MEI4: variants seen among roughly 807,000 people sequenced by gnomAD.
MEI4 encodes the protein meiosis-specific protein MEI4.
MEI4 carries 27 observed loss-of-function variants against 31.4 expected under a neutral mutation model. That is an observed-to-expected ratio of 0.86 (90% CI 0.63 to 1.19). The LOEUF (loss-of-function observed/expected upper bound fraction) is 1.19, where lower values mean the gene tolerates loss of function less well. Among genes scored for constraint, MEI4 ranks in the 50% most tolerant of loss-of-function variants. The pLI is 0.00. For missense variants in MEI4, 329 were observed against 398.9 expected (o/e 0.82, Z 1.49); for synonymous variants, 122 against 145.4 (o/e 0.84, Z 1.16).
intron 4 of MEI4, among the ~76,000 whole-genome samples, chr6:77,843,012 A>G (rs1770400786): frequency 6.6e-6 from 1 of 151,858 alleles, no homozygotes; most frequent in Non-Finnish European, 1.5e-5. Flanking sequence ...AAATATTACC[A>G]TTTATATATA....
chr6:77,744,979 T>C (rs1248630121), intron 2 of MEI4, among the ~76,000 whole-genome samples: 1 of 151,990 alleles, frequency 6.6e-6, no homozygotes, highest in East Asian at 1.9e-4. Flanking sequence ...GCACTAAACA[T>C]GGAAAGGAAC....
At chr6:77,683,220 C>CT (rs926721788) in intron 1 of MEI4, among the ~76,000 whole-genome samples, 1 of 151,830 alleles carries the variant, frequency 6.6e-6, no homozygotes, top group Non-Finnish European at 1.5e-5. Flanking sequence ...CTTCATTTTG[C>CT]TTTTTTTAAT....
intron 4 of MEI4, among the ~76,000 whole-genome samples, chr6:77,883,717 G>GATTTATATAT (rs1771542712): frequency 2.3e-5 from 1 of 43,338 alleles, no homozygotes; most frequent in Non-Finnish European, 3.8e-5. Context: ...TATTATGTAA[G>GATTTATATAT]ATATATATAT....
At chr6:77,898,988 G>T (rs1470501469) in intron 4 of MEI4, among the ~76,000 whole-genome samples, 1 of 152,014 alleles carries the variant, frequency 6.6e-6, no homozygotes, top group African/African-American at 2.4e-5. Flanking sequence ...ACCATCCTTT[G>T]TGAGTATACT....
chr6:77,835,977 A>G (rs1170166544), intron 4 of MEI4, among the ~76,000 whole-genome samples: 1 of 152,162 alleles, frequency 6.6e-6, no homozygotes, highest in Admixed American at 6.5e-5. Context: ...TTTACAAAAT[A>G]TAAATACAAA....
intron 4 of MEI4, among the ~76,000 whole-genome samples, chr6:77,905,239 TC>T (rs1766267762): frequency 6.6e-6 from 1 of 152,070 alleles, no homozygotes; most frequent in Non-Finnish European, 1.5e-5. Flanking sequence ...GTATACATCA[TC>T]TCTCTCTTCT....
chr6:77,736,925 A>C (rs115342461), intron 2 of MEI4, among the ~76,000 whole-genome samples: 1 of 151,142 alleles, frequency 6.6e-6, no homozygotes, highest in Non-Finnish European at 1.5e-5. Context: ...AGCTATGGGT[A>C]CTAGGCTATT....
rs560765927 is a variant in MEI4, at chr6:77,669,218, CATGT to C, written c.-15+16127_-15+16130del. 2.5e-4 allele frequency among the ~76,000 whole-genome samples: 38 copies of C among 151,996 alleles called. 1 individual carries two copies. In the South Asian group the frequency reaches 7.7e-3, roughly 31 times the overall value. On this transcript the variant is annotated intron_variant, in intron 1 of 4. Coordinates refer to ENST00000684080, the MANE Select transcript of MEI4 (RefSeq NM_001322247.2). ...AGCACCCTTATTTTGAAAGAGGAAG[CATGT>C]GTGTGTGTGTGTGCGTACATACACA...
At chr6:77,778,505 A>G (rs966302279) in intron 3 of MEI4, among the ~76,000 whole-genome samples, 3 of 152,002 alleles carry the variant, frequency 2.0e-5, no homozygotes, top group Non-Finnish European at 2.9e-5. Flanking sequence ...ATTGAAGACC[A>G]GTCTGGACAA....
intron 4 of MEI4, among the ~76,000 whole-genome samples, chr6:77,843,075 C>T: frequency 8.1e-6 from 1 of 123,870 alleles, no homozygotes; most frequent in Non-Finnish European, 1.6e-5. Flanking sequence ...TTTATGAGGC[C>T]AGGATTACTA....
chr6:77,865,690 A>G (rs529409294), intron 4 of MEI4, among the ~76,000 whole-genome samples: 1 of 152,304 alleles, frequency 6.6e-6, no homozygotes, highest in East Asian at 1.9e-4. Context: ...AACTATTCCA[A>G]TCAATAGAAA....
intron 2 of MEI4, among the ~76,000 whole-genome samples, chr6:77,736,680 A>G (rs1767245070): frequency 6.6e-6 from 1 of 152,002 alleles, no homozygotes; most frequent in African/African-American, 2.4e-5. Flanking sequence ...AGTATTTGTG[A>G]GGTACAAAAC....
chr6:77,823,717 T>C, intron 3 of MEI4, among the ~76,000 whole-genome samples: 1 of 152,224 alleles, frequency 6.6e-6, no homozygotes, highest in East Asian at 1.9e-4. Flanking sequence ...GTTTAGACAA[T>C]ACATTTTTAT....
chr6:77,863,743 C>A (rs569176808), intron 4 of MEI4, among the ~76,000 whole-genome samples: 95 of 152,270 alleles, frequency 6.2e-4, no homozygotes, highest in African/African-American at 2.3e-3. Context: ...CACAAAGATA[C>A]TCCTCGAGAA....
intron 2 of MEI4, among the ~76,000 whole-genome samples, chr6:77,696,084 A>G (rs552274129): frequency 6.0e-4 from 92 of 152,214 alleles, no homozygotes; most frequent in African/African-American, 2.1e-3. Flanking sequence ...TTGGTGTATA[A>G]GAATGCTTGT....
At chr6:77,755,504 C>T (rs9448203) in intron 2 of MEI4, among the ~76,000 whole-genome samples, 1,567 of 151,912 alleles carry the variant, frequency 0.01, 28 homozygotes, top group African/African-American at 0.036. Context: ...CTGAAACCTC[C>T]ACCTCCCATG....
At chr6:77,668,736 T>G (rs1032763553) in intron 1 of MEI4, among the ~76,000 whole-genome samples, 1 of 152,212 alleles carries the variant, frequency 6.6e-6, no homozygotes, top group Non-Finnish European at 1.5e-5. Flanking sequence ...ATTATGGATA[T>G]AAATCCATAC....
At chr6:77,783,555 A>C (rs1234018905) in intron 3 of MEI4, among the ~76,000 whole-genome samples, 3 of 152,184 alleles carry the variant, frequency 2.0e-5, no homozygotes, top group African/African-American at 7.2e-5. Context: ...AAGATGTCTT[A>C]GTTTACTTCA....
upstream of MEI4, among the ~76,000 whole-genome samples, chr6:77,651,602 A>G (rs1438189717): frequency 6.6e-6 from 1 of 152,222 alleles, no homozygotes; most frequent in Non-Finnish European, 1.5e-5. Context: ...AGCGTATTAT[A>G]TGACTGCAAA....
Sources: gnomAD v4.1 joint callset for allele counts (sites outside exome capture counted in the v4.1 genomes callset) on GRCh38, gnomAD v4.1.1 for gene constraint, MANE v1.5 for transcripts, NCBI Gene and HGNC (gene_info 2026-07-23, HGNC 2026-07-21) for gene names.